IRAK1BP1: variants seen among roughly 807,000 people sequenced by gnomAD.
IRAK1BP1 encodes the protein interleukin 1 receptor associated kinase 1 binding protein 1, also known as interleukin-1 receptor-associated kinase 1-binding protein 1.
IRAK1BP1 carries 24 observed loss-of-function variants against 28.0 expected under a neutral mutation model. The observed-to-expected ratio is 0.86, with a 90% confidence interval of 0.62 to 1.20. The LOEUF is 1.20. Among genes scored for constraint, IRAK1BP1 ranks in the 50% most tolerant of loss-of-function variants. IRAK1BP1 has a pLI of 0.00. For synonymous variants in IRAK1BP1, 131 were observed against 116.3 expected (o/e 1.13, Z -0.81); for missense variants, 336 against 316.7 (o/e 1.06, Z -0.46).
At chr6:78,961,747 A>C in the IRAK1BP1 span, 1 of 1,612,392 alleles carries the variant, frequency 6.2e-7, no homozygotes, top group South Asian at 1.1e-5. Context: ...TGGATATGCC[A>C]CTACTGTGCA....
intron 2 of IRAK1BP1, among the ~76,000 whole-genome samples, chr6:78,892,979 A>T (rs2127651296): frequency 6.6e-6 from 1 of 152,168 alleles, no homozygotes; most frequent in African/African-American, 2.4e-5. Context: ...AAAGTGGGGG[A>T]CAAGAAAAAT....
intron 1 of IRAK1BP1, among the ~76,000 whole-genome samples, chr6:78,870,145 G>A (rs753062717): frequency 1.5e-5 from 2 of 133,692 alleles, no homozygotes; most frequent in South Asian, 2.7e-4. Context: ...AAAAAAGATG[G>A]AGCCTGACTA....
chr6:78,970,301 A>G, the IRAK1BP1 span: 1 of 693,632 alleles, frequency 1.4e-6, no homozygotes, highest in Admixed American at 2.8e-5. Flanking sequence ...GTGTACATGT[A>G]AAAATTCACT....
chr6:78,945,809 T>TCTA, exon 5 of IRAK1BP1: 1 of 608,840 alleles, frequency 1.6e-6, no homozygotes, highest in Non-Finnish European at 2.9e-6. Flanking sequence ...TAAGCATTAG[T>TCTA]CTATAATGAC....
chr6:78,875,587 G>A (rs1770970247), intron 1 of IRAK1BP1, among the ~76,000 whole-genome samples: 2 of 152,108 alleles, frequency 1.3e-5, no homozygotes, highest in African/African-American at 2.4e-5. Context: ...GCAGTAATAT[G>A]GATAAGGCTT....
intron 4 of IRAK1BP1, among the ~76,000 whole-genome samples, chr6:78,921,259 G>C (rs920727711): frequency 6.6e-6 from 1 of 152,130 alleles, no homozygotes; most frequent in African/African-American, 2.4e-5. Flanking sequence ...CTTCGCAAAC[G>C]GCACACCAGG....
At chr6:78,878,684 G>T (rs916924252) in intron 1 of IRAK1BP1, among the ~76,000 whole-genome samples, 13 of 152,064 alleles carry the variant, frequency 8.5e-5, no homozygotes, top group Admixed American at 1.3e-4. Flanking sequence ...TCAGACGATC[G>T]GTAATAACAA....
At chr6:78,907,589 T>C (rs1050257769), downstream of IRAK1BP1, among the ~76,000 whole-genome samples, 5 of 152,226 alleles carry the variant, frequency 3.3e-5, no homozygotes, top group Non-Finnish European at 7.3e-5. Flanking sequence ...ACTAAAACTT[T>C]AGAAGCTGTT....
At position 78,900,175 on chromosome 6, in the gene IRAK1BP1, A is replaced by T. The variant is rs1238968142; in HGVS notation, c.*1841A>T. ...GGCTTGAGACTACCTTGCTGAACAGACCAAGGTCAAACACTGAGATAATAA... is the reference window on the plus strand; with the variant it reads ...GGCTTGAGACTACCTTGCTGAACAGTCCAAGGTCAAACACTGAGATAATAA... On this transcript the variant is annotated 3_prime_UTR_variant, in exon 4 of 4. Coordinates refer to ENST00000369940, the MANE Select transcript of IRAK1BP1 (RefSeq NM_001010844.4). 1 of 152,252 alleles carries T rather than the reference A, an allele frequency of 6.6e-6. No homozygotes were observed. Among genetic ancestry groups the T allele is most frequent in the Non-Finnish European group, 1.5e-5 (1 of 68,040 alleles). 9.4% of individuals were successfully genotyped at this position (152,252 alleles called of 1,614,324 possible).
At chr6:78,911,653 A>C (rs1327296284) in intron 4 of IRAK1BP1, among the ~76,000 whole-genome samples, 1 of 152,184 alleles carries the variant, frequency 6.6e-6, no homozygotes, top group East Asian at 1.9e-4. Context: ...TCTCCAATGT[A>C]GTCAAGATCA....
chr6:78,918,578 T>TAAAAAAAAAAAA (rs58669467), intron 4 of IRAK1BP1, among the ~76,000 whole-genome samples: 3 of 66,774 alleles, frequency 4.5e-5, no homozygotes, highest in African/African-American at 6.1e-5. Flanking sequence ...CCAAAAACAG[T>TAAAAAAAAAAAA]AAAAAAAAAA....
chr6:78,909,860 ACT>A (rs566155789), intron 4 of IRAK1BP1, among the ~76,000 whole-genome samples: 48 of 152,084 alleles, frequency 3.2e-4, no homozygotes, highest in Admixed American at 1.4e-3. Flanking sequence ...TTTTTTGCTC[ACT>A]CTCAGCAGAA....
At chr6:78,971,758 A>T in the IRAK1BP1 span, among the ~76,000 whole-genome samples, 1 of 152,166 alleles carries the variant, frequency 6.6e-6, no homozygotes, top group Non-Finnish European at 1.5e-5. Context: ...AATCAAAGAA[A>T]GGGGTGACGG....
the IRAK1BP1 span, chr6:78,978,444 T>C: frequency 2.2e-6 from 1 of 460,294 alleles, no homozygotes. Flanking sequence ...TCACTCCTAA[T>C]TGTACTTTCT....
intron 1 of IRAK1BP1, among the ~76,000 whole-genome samples, chr6:78,877,736 C>A (rs1771055483): frequency 6.6e-6 from 1 of 152,206 alleles, no homozygotes; most frequent in South Asian, 2.1e-4. Context: ...AATTCCCTTT[C>A]CTAGCCAAGG....
downstream of IRAK1BP1, among the ~76,000 whole-genome samples, chr6:78,950,034 A>G (rs1363997667): frequency 6.6e-6 from 1 of 151,998 alleles, no homozygotes; most frequent in Admixed American, 6.6e-5. Flanking sequence ...CCTTGTTTTC[A>G]TTTCCTCCTG....
intron 4 of IRAK1BP1, among the ~76,000 whole-genome samples, chr6:78,927,804 T>C (rs1274006999): frequency 1.3e-5 from 2 of 152,172 alleles, no homozygotes; most frequent in Non-Finnish European, 2.9e-5. Context: ...TTTTCCCAAC[T>C]GTATGTTCCT....
rs1772592270 is a variant in IRAK1BP1 at position 78,917,534 on chromosome 6, A to G, written c.*67+14424A>G. Among the ~76,000 whole-genome samples, 4 of 151,530 alleles carry G rather than the reference A, an allele frequency of 2.6e-5. No homozygotes were observed. The South Asian group carries it at 8.4e-4, about 32-fold the overall frequency. The stretch of plus-strand genomic sequence containing the variant: ...AAATTTTTCTAATCTTGATAGAGGT[A>G]GACATCCAGATACAAGAAATTCAGA... On this transcript the variant is annotated intron_variant and NMD_transcript_variant, in intron 4 of 4. Transcript: ENST00000606868.
intron 4 of IRAK1BP1, among the ~76,000 whole-genome samples, chr6:78,910,867 C>T (rs1045849874): frequency 4.6e-5 from 7 of 152,244 alleles, no homozygotes; most frequent in African/African-American, 1.7e-4. Flanking sequence ...CTGGGACAGC[C>T]GCGCACCAAC....
Sources: gnomAD v4.1 joint callset for allele counts (sites outside exome capture counted in the v4.1 genomes callset) on GRCh38, gnomAD v4.1.1 for gene constraint, MANE v1.5 for transcripts, NCBI Gene and HGNC (gene_info 2026-07-23, HGNC 2026-07-21) for gene names.